Variants in MAP3K15 observed in about 807,000 individuals in gnomAD.
MAP3K15 encodes the protein mitogen-activated protein kinase kinase kinase 15, also known as MAPK/ERK kinase kinase 15.
MAP3K15 carries 124 observed loss-of-function variants against 99.5 expected under a neutral mutation model. That is an observed-to-expected ratio of 1.25 (90% CI 1.08 to 1.45). The LOEUF is 1.45. Ranked by LOEUF, MAP3K15 falls within the 40% of genes most tolerant of loss-of-function variation. The pLI is 0.00. For missense variants in MAP3K15, 1,242 were observed against 1,079.7 expected (o/e 1.15, Z -2.11); for synonymous variants, 494 against 439.6 (o/e 1.12, Z -1.55).
At chrX:19,503,513 C>A (rs1240528305) in intron 1 of MAP3K15, among the ~76,000 whole-genome samples, 3 of 111,984 alleles carry the variant, frequency 2.7e-5, no homozygotes, top group African/African-American at 6.5e-5. Context: ...GCAACCTCCA[C>A]CTCCTGGGTT....
In MAP3K15 at chrX:19,392,339, G is replaced by A. The variant is rs1196532376; in HGVS notation, c.2325+4C>T. ...CAACCTCGTCAGCTTAAAAAAGCAAGTACCTTTATGTCTCTGTGCACGATC... is the reference window on the plus strand; with the variant it reads ...CAACCTCGTCAGCTTAAAAAAGCAAATACCTTTATGTCTCTGTGCACGATC... On this transcript the variant is annotated splice_donor_region_variant and intron_variant, in intron 17 of 28. Coordinates refer to ENST00000338883, the MANE Select transcript of MAP3K15 (RefSeq NM_001001671.4). 8.3e-7 allele frequency: 1 copy of A among 1,202,402 alleles called. No individual in the cohort carries two copies. Among genetic ancestry groups the A allele is most frequent in the African/African-American group, 1.7e-5 (1 of 57,166 alleles).
intron 18 of MAP3K15, among the ~76,000 whole-genome samples, chrX:19,388,632 C>T (rs775321317): frequency 2.7e-5 from 3 of 111,982 alleles, no homozygotes; most frequent in Non-Finnish European, 3.8e-5. Context: ...GTAGGTACAA[C>T]GAGCATTTCT....
intron 6 of MAP3K15, among the ~76,000 whole-genome samples, chrX:19,444,253 G>A (rs915671478): frequency 3.6e-5 from 4 of 111,801 alleles, no homozygotes; most frequent in Non-Finnish European, 5.6e-5. Flanking sequence ...TAAGCGTCTA[G>A]GTCATTTTTC....
intron 9 of MAP3K15, among the ~76,000 whole-genome samples, chrX:19,422,277 C>T (rs750809606): frequency 9.0e-6 from 1 of 111,533 alleles, no homozygotes; most frequent in Non-Finnish European, 1.9e-5. Context: ...TTGCAATCTA[C>T]TCATCTGACA....
Position 19,486,662 on chromosome X carries a change from C to G in MAP3K15, c.502-157G>C, listed in dbSNP as rs184185174. ...AGCAAGAATTAATCATGTGAAACCT[C>G]CCTCTCCAAAAGCTTCAAACACAAT... On this transcript the variant is annotated intron_variant, in intron 2 of 28. Transcript: ENST00000338883. Among the ~76,000 whole-genome samples, 133 of 111,393 alleles carry G rather than the reference C, an allele frequency of 1.2e-3. 2 individuals carry two copies. Among genetic ancestry groups the G allele is most frequent in the African/African-American group, 4.1e-3 (127 of 30,700 alleles).
intron 12 of MAP3K15, chrX:19,408,475 A>T: frequency 6.6e-6 from 1 of 151,184 alleles, no homozygotes; most frequent in Non-Finnish European, 1.3e-5. Flanking sequence ...CAACATGGCA[A>T]AACCCTGACT....
intron 3 of MAP3K15, among the ~76,000 whole-genome samples, chrX:19,479,138 T>C (rs143239690): frequency 0.029 from 3,257 of 111,590 alleles, 51 homozygotes; most frequent in South Asian, 0.11. Context: ...ATGTGGTGGA[T>C]ATGCAGGTAT....
chrX:19,489,125 T>G (rs2064349789), intron 1 of MAP3K15, among the ~76,000 whole-genome samples, 158 bp from the exon 2 acceptor site: 1 of 111,832 alleles, frequency 8.9e-6, no homozygotes, highest in Non-Finnish European at 1.9e-5. Flanking sequence ...CCCTATGAAC[T>G]GTGGAAGAAA....
chrX:19,419,081 A>C (rs2063761332), intron 9 of MAP3K15, among the ~76,000 whole-genome samples: 2 of 112,229 alleles, frequency 1.8e-5, no homozygotes, highest in African/African-American at 6.5e-5. Flanking sequence ...CCACTGCAAA[A>C]ACATGCCAAA....
intron 6 of MAP3K15, among the ~76,000 whole-genome samples, chrX:19,456,585 T>A (rs770526413): frequency 2.0e-3 from 220 of 112,240 alleles, no homozygotes; most frequent in Non-Finnish European, 1.8e-3. Context: ...ACAAATCATA[T>A]ACTTAAGATC....
intron 15 of MAP3K15, 37 bp from the exon 16 acceptor site, chrX:19,395,245 T>C (rs1361814513): frequency 2.5e-6 from 3 of 1,184,008 alleles, no homozygotes. Flanking sequence ...ACCTGCCAAA[T>C]CCCAGGGACT....
chrX:19,469,105 C>G (rs760781838), intron 3 of MAP3K15, among the ~76,000 whole-genome samples: 5 of 111,083 alleles, frequency 4.5e-5, no homozygotes. Context: ...TGCCCTAAGC[C>G]AAAAGAACAA....
intron 23 of MAP3K15, 67 bp from the exon 24 acceptor site, chrX:19,371,131 G>A (rs1011802904): frequency 2.6e-5 from 23 of 886,811 alleles, no homozygotes; most frequent in Middle Eastern, 4.2e-4. Flanking sequence ...TGCATTGCAC[G>A]GAGAATCACG....
chrX:19,395,092 T>C lies in MAP3K15; in HGVS notation c.2183A>G (p.Gln728Arg). The C allele has an allele frequency of 8.3e-7, 1 of 1,208,265 alleles. No homozygotes were observed. Among genetic ancestry groups the C allele is most frequent in the Non-Finnish European group, 1.1e-6 (1 of 893,317 alleles). Residue 728 changes from glutamine (Q) to arginine (R), a missense_variant, in exon 16 of 29, where the codon CAG (glutamine) becomes CGG (arginine). Gln to Arg is a conservative substitution (Grantham distance 43). Transcript: ENST00000338883. Reference sequence around the variant, plus strand: ...CAGCGACTACTCACCTCCAGGCACCTGCTCCATAAATATCTTAATGTAGCC... The same window carrying C: ...CAGCGACTACTCACCTCCAGGCACCCGCTCCATAAATATCTTAATGTAGCC... ...ENGYIKIFME[Q>R]VPGGSLSALL...
chrX:19,476,416 C>A (rs747230962), intron 3 of MAP3K15, among the ~76,000 whole-genome samples: 1 of 111,667 alleles, frequency 9.0e-6, no homozygotes, highest in Non-Finnish European at 1.9e-5. Context: ...TGAACAAATA[C>A]GGGGCAATGG....
At chrX:19,511,223 G>T (rs1306179978) in intron 1 of MAP3K15, among the ~76,000 whole-genome samples, 1 of 111,990 alleles carries the variant, frequency 8.9e-6, no homozygotes, top group Non-Finnish European at 1.9e-5. Flanking sequence ...AACCCTAGAA[G>T]AAAACCTAGG....
chrX:19,472,625 C>T (rs754433615), intron 3 of MAP3K15, among the ~76,000 whole-genome samples: 1 of 111,566 alleles, frequency 9.0e-6, no homozygotes. Context: ...ATATAACTCT[C>T]TCTCTCCCCC....
chrX:19,448,571 GA>G (rs757991482), intron 6 of MAP3K15, among the ~76,000 whole-genome samples: 3 of 108,319 alleles, frequency 2.8e-5, no homozygotes, highest in African/African-American at 6.6e-5. Context: ...CCCTGTCCCC[GA>G]AAAAAAATTA....
chrX:19,511,281 C>T (rs1271403986), intron 1 of MAP3K15, among the ~76,000 whole-genome samples: 2 of 112,199 alleles, frequency 1.8e-5, no homozygotes, highest in African/African-American at 6.5e-5. Flanking sequence ...ATGGCTTAAA[C>T]ACCAAAAGCA....
Sources: gnomAD v4.1 joint callset for allele counts (sites outside exome capture counted in the v4.1 genomes callset) on GRCh38, gnomAD v4.1.1 for gene constraint, MANE v1.5 for transcripts, NCBI Gene and HGNC (gene_info 2026-07-23, HGNC 2026-07-21) for gene names.